GOLGA6L9: variants seen among roughly 807,000 people sequenced by gnomAD.
GOLGA6L9 encodes golgin subfamily A member 6-like protein 9.
Under a neutral mutation model 51.3 loss-of-function variants are expected in GOLGA6L9, and 19 were observed. The observed-to-expected ratio is 0.37, with a 90% CI of 0.26 to 0.54. The LOEUF is 0.54. Among genes scored for constraint, GOLGA6L9 ranks in the 20% least tolerant of loss-of-function variants. The pLI, the probability that GOLGA6L9 is intolerant of heterozygous loss-of-function variation, is 0.83. For missense variants in GOLGA6L9, 247 were observed against 464.1 expected (o/e 0.53, Z 4.30); for synonymous variants, 97 against 184.2 (o/e 0.53, Z 3.83).
At chr15:82,417,011 C>G in the GOLGA6L9 span, among the ~76,000 whole-genome samples, 1 of 152,182 alleles carries the variant, frequency 6.6e-6, no homozygotes, top group Admixed American at 6.5e-5. Flanking sequence ...GTATACTCGT[C>G]TCCCCCACCG....
chr15:82,418,863 A>G, the GOLGA6L9 span: 1 of 152,284 alleles, frequency 6.6e-6, no homozygotes, highest in Non-Finnish European at 1.5e-5. Context: ...TTTCCATTGT[A>G]AAGAACACTC....
upstream of GOLGA6L9, among the ~76,000 whole-genome samples, chr15:82,429,278 T>C (rs1249435522): frequency 6.6e-6 from 1 of 152,148 alleles, no homozygotes; most frequent in African/African-American, 2.4e-5. Context: ...TTTCTTCATG[T>C]TGGCCAGGCT....
In GOLGA6L9 at chr15:82,436,583, A is replaced by G; in HGVS notation, c.*172A>G. On this transcript the variant is annotated 3_prime_UTR_variant, in exon 9 of 9. Coordinates refer to ENST00000618348, the MANE Select transcript of GOLGA6L9 (RefSeq NM_198181.4). ...GTTTAAATTTATTTGTTTCTAATTT[A>G]TAGTTTAAATTTATTTGTGTTTCTA... 3.1e-6 allele frequency: 2 copies of G among 647,708 alleles called. No homozygotes were observed. Among genetic ancestry groups the G allele is most frequent in the Non-Finnish European group, 4.8e-6 (2 of 413,646 alleles). The allele number at this position is 647,708 out of a possible 1,614,324, so 40.1% of individuals were successfully genotyped here.
In GOLGA6L9 at chr15:82,434,252, C is replaced by G. The variant is rs2031556923; in HGVS notation, c.652C>G (p.Gln218Glu). Residue 218 changes from glutamine (Q) to glutamate (E), a missense_variant, in exon 6 of 9, where the codon CAG becomes GAG. This residue lies in a region of GOLGA6L9 where 66 missense variants were observed against 66.2 expected (regional missense o/e 1.00). Transcript: ENST00000618348. ...TGAACAGGAGGAGAGGCTGTGTGAA[C>G]AGGAGGAGAGGCTGTGTGAACAGGA... ...LREQEERLCE[Q>E]EERLCEQEER... 6.4e-7 allele frequency: 1 copy of G among 1,553,676 alleles called. No individual in the cohort carries two copies. The highest frequency in any genetic ancestry group is 1.4e-5 in the African/African-American group (1 of 73,636).
chr15:82,417,476 T>C, the GOLGA6L9 span, among the ~76,000 whole-genome samples: 25 of 152,236 alleles, frequency 1.6e-4, no homozygotes, highest in Admixed American at 1.6e-3. Context: ...ATCTTACTTA[T>C]GTAGTGAAGG....
chr15:82,432,796 T>C (rs2150827686), intron 3 of GOLGA6L9, 21 bp from the exon 4 acceptor site: 2 of 1,601,998 alleles, frequency 1.2e-6, no homozygotes, highest in East Asian at 2.2e-5. Flanking sequence ...CTCCAACTCC[T>C]TCTCTCTGCA....
chr15:82,418,412 A>G, the GOLGA6L9 span, among the ~76,000 whole-genome samples: 3 of 152,360 alleles, frequency 2.0e-5, no homozygotes, highest in East Asian at 5.8e-4. Flanking sequence ...TGGTGTCCAC[A>G]TAGATCTAAT....
At position 82,438,206 on chromosome 15, in the gene GOLGA6L9, C is replaced by CT. The variant is rs2031780757; in HGVS notation, c.*1795_*1796insT. ...TCAAATCGCTTCACTTTTACCCTGA[C>CT]ACGTATAAATGACTAGGAATGACCT... On this transcript the variant is annotated 3_prime_UTR_variant, in exon 9 of 9. Coordinates refer to ENST00000618348, the MANE Select transcript of GOLGA6L9 (RefSeq NM_198181.4). 1 of 148,108 alleles carries CT rather than the reference C, an allele frequency of 6.8e-6. No homozygotes were observed. The highest frequency in any genetic ancestry group is 1.5e-5 in the Non-Finnish European group (1 of 66,906). The allele number at this position is 148,108 out of a possible 1,614,324, so 9.2% of individuals were successfully genotyped here. A position where few individuals can be genotyped will look rare whatever the true frequency, so the allele number is the denominator to read the frequency against.
At chr15:82,417,480 G>T in the GOLGA6L9 span, among the ~76,000 whole-genome samples, 1 of 152,200 alleles carries the variant, frequency 6.6e-6, no homozygotes, top group Non-Finnish European at 1.5e-5. Context: ...TACTTATGTA[G>T]TGAAGGTACT....
intron 4 of GOLGA6L9, among the ~76,000 whole-genome samples, chr15:82,433,265 T>C (rs1234496165): frequency 1.3e-5 from 2 of 151,994 alleles, no homozygotes; most frequent in East Asian, 3.9e-4. Context: ...TTTATGCTCG[T>C]GTTTCTGGAG....
chr15:82,436,527 A>G lies in GOLGA6L9; in HGVS notation c.*116A>G. 1 of 1,396,052 alleles carries G rather than the reference A, an allele frequency of 7.2e-7. No homozygotes were observed. Among genetic ancestry groups the G allele is most frequent in the Non-Finnish European group, 9.6e-7 (1 of 1,045,888 alleles). The allele number at this position is 1,396,052 out of a possible 1,614,324, so 86.5% of individuals were successfully genotyped here. A position where few individuals can be genotyped will look rare whatever the true frequency, so the allele number is the denominator to read the frequency against. ...ACTTATGTTTGTGTTTCTAATTTAT[A>G]GTTTAAATTTATTTGTGTTTCTAAT... is the stretch of plus-strand genomic sequence containing the variant. On this transcript the variant is annotated 3_prime_UTR_variant, in exon 9 of 9. Coordinates refer to ENST00000618348, the MANE Select transcript of GOLGA6L9 (RefSeq NM_198181.4).
the GOLGA6L9 span, among the ~76,000 whole-genome samples, chr15:82,420,351 G>T: frequency 6.6e-6 from 1 of 151,528 alleles, no homozygotes; most frequent in Non-Finnish European, 1.5e-5. Context: ...TTATTGTTAT[G>T]TATACCATAG....
chr15:82,438,669 A>T lies in GOLGA6L9; in HGVS notation c.*2258A>T, dbSNP rs2031813124. The T allele has an allele frequency of 7.5e-6, 1 of 132,560 alleles. No individual in the cohort carries two copies. The highest frequency in any genetic ancestry group is 2.9e-5 in the African/African-American group (1 of 34,096). 8.2% of individuals were successfully genotyped at this position (132,560 alleles called of 1,614,324 possible). A position where few individuals can be genotyped will look rare whatever the true frequency, so the allele number is the denominator to read the frequency against. The stretch of plus-strand genomic sequence containing the variant: ...GTAAAGAATCAAAACACCTATTTAA[A>T]GACTGCAAAATATGATAATTATTTT... On this transcript the variant is annotated 3_prime_UTR_variant, in exon 9 of 9. Transcript: ENST00000618348.
At chr15:82,429,300 C>A (rs878945224), upstream of GOLGA6L9, among the ~76,000 whole-genome samples, 1 of 152,178 alleles carries the variant, frequency 6.6e-6, no homozygotes, top group South Asian at 2.1e-4. Context: ...GTCTCGAACT[C>A]CTGACCTCAG....
chr15:82,432,445 T>G (rs1171978509), intron 2 of GOLGA6L9, 127 bp from the exon 3 acceptor site: 1 of 1,352,408 alleles, frequency 7.4e-7, no homozygotes, highest in Admixed American at 2.6e-5. Flanking sequence ...AAAGGAGTTA[T>G]GGGAAAAAGG....
chr15:82,437,619 T>C lies in GOLGA6L9; in HGVS notation c.*1208T>C, dbSNP rs2031745300. On this transcript the variant is annotated 3_prime_UTR_variant, in exon 9 of 9. Coordinates refer to ENST00000618348, the MANE Select transcript of GOLGA6L9 (RefSeq NM_198181.4). ...CTGGCTAATAGCTAGTCTTCAACCA[T>C]CTGACATAGGAATTTACTTCTTTTC... 1 of 129,320 alleles carries C rather than the reference T, an allele frequency of 7.7e-6. No homozygotes were observed. The highest frequency in any genetic ancestry group is 3.0e-5 in the African/African-American group (1 of 32,864). 8.0% of individuals were successfully genotyped at this position (129,320 alleles called of 1,614,324 possible). A position where few individuals can be genotyped will look rare whatever the true frequency, so the allele number is the denominator to read the frequency against.
chr15:82,417,115 T>C, the GOLGA6L9 span, among the ~76,000 whole-genome samples: 1 of 152,232 alleles, frequency 6.6e-6, no homozygotes, highest in South Asian at 2.1e-4. Flanking sequence ...ATGTGGCATT[T>C]TGTAATTGAC....
In GOLGA6L9 at chr15:82,429,949, G is replaced by A; in HGVS notation, c.-131G>A. 3 of 1,094,336 alleles carry A rather than the reference G, an allele frequency of 2.7e-6. No individual in the cohort carries two copies. The highest frequency in any genetic ancestry group is 2.8e-6 in the Non-Finnish European group (2 of 713,254). The allele number at this position is 1,094,336 out of a possible 1,614,324, so 67.8% of individuals were successfully genotyped here. On this transcript the variant is annotated 5_prime_UTR_variant, in exon 1 of 9. Transcript: ENST00000618348. ...TTTCATCTTTCTCACTGACCAATGGGCTTGGAACATTAAGGCCACGCCCCT... is the reference window on the plus strand; with the variant it reads ...TTTCATCTTTCTCACTGACCAATGGACTTGGAACATTAAGGCCACGCCCCT...
the GOLGA6L9 span, among the ~76,000 whole-genome samples, chr15:82,417,742 T>G: frequency 6.6e-6 from 1 of 152,204 alleles, no homozygotes; most frequent in Admixed American, 6.5e-5. Context: ...TCTCCAAAAT[T>G]TGAAGATCAA....
Sources: allele counts gnomAD v4.1 joint callset (sites outside exome capture counted in the v4.1 genomes callset), GRCh38; gene constraint gnomAD v4.1.1; regional missense constraint gnomAD v4.1.1; transcripts MANE v1.5; gene names NCBI Gene and HGNC (gene_info 2026-07-23, HGNC 2026-07-21).